ABCB5: variants seen among roughly 807,000 people sequenced by gnomAD.
ABCB5 encodes the protein ATP-binding cassette sub-family B member 5.
ABCB5 carries 155 observed loss-of-function variants against 144.2 expected under a neutral mutation model. The ratio of observed to expected loss-of-function variants is 1.08; its 90% confidence interval spans 0.94 to 1.23. ABCB5 has a LOEUF of 1.23. Among genes scored for constraint, ABCB5 ranks in the 50% most tolerant of loss-of-function variants. The probability of loss-of-function intolerance (pLI) is 0.00; values close to 1 mark genes in which losing one functional copy is unlikely to be tolerated. For synonymous variants in ABCB5, 610 were observed against 528.6 expected, an observed-to-expected ratio of 1.15 and a Z score of -2.11; for missense variants, 1,830 against 1,520.8, an observed-to-expected ratio of 1.20 and a Z score of -3.38.
rs759841996 is a variant in ABCB5, at chr7:20,628,797, G to C, written c.218G>C (p.Ser73Thr). The C allele has an allele frequency of 1.2e-6, 2 of 1,613,688 alleles. No homozygotes were observed. Among genetic ancestry groups the C allele is most frequent in the Non-Finnish European group, 1.7e-6 (2 of 1,179,818 alleles). ...ATGCCACTGGTTTTAGGAGAAATGA[G>C]TGATAACCTTATTAGTGGATGTCTA... ...PLMPLVLGEM[S>T]DNLISGCLVQ... is the part of the protein sequence containing the mutation. The change falls in exon 4 of 28, where the codon AGT becomes ACT. Residue 73 changes from serine (S) to threonine (T), a missense_variant. Physicochemically the swap from Ser to Thr is moderately conservative, Grantham distance 58. Transcript: ENST00000404938.
intron 11 of ABCB5, 128 bp downstream of exon 11, chr7:20,648,206 G>T: frequency 1.6e-6 from 1 of 623,822 alleles, no homozygotes; most frequent in Non-Finnish European, 2.8e-6. Context: ...TTAGAGACTT[G>T]AGGAGGTAGA....
intron 9 of ABCB5, among the ~76,000 whole-genome samples, chr7:20,646,673 T>C (rs1003416740): frequency 6.6e-6 from 1 of 152,198 alleles, no homozygotes; most frequent in African/African-American, 2.4e-5. Flanking sequence ...TAATAATTTA[T>C]TCAGTTATCC....
At chr7:20,738,702 T>A (rs1008245635) in intron 23 of ABCB5, among the ~76,000 whole-genome samples, 18 of 152,156 alleles carry the variant, frequency 1.2e-4, no homozygotes, top group Non-Finnish European at 2.4e-4. Context: ...ACTAAGAAGT[T>A]TTATATTCAC....
chr7:20,696,473 C>G lies in ABCB5; in HGVS notation c.2011-1934C>G, dbSNP rs577328977. On this transcript the variant is annotated intron_variant, in intron 16 of 27. Transcript: ENST00000404938. ...GGGATGATAAAAAAGCAGGAGAAAA[C>G]TTCTAGGGGTAATGGATATGTTTAT... is the stretch of plus-strand genomic sequence containing the variant. Among the ~76,000 whole-genome samples, 12 of 152,044 alleles carry G rather than the reference C, an allele frequency of 7.9e-5. No homozygotes were observed. In the East Asian group the frequency reaches 2.3e-3, roughly 29 times the overall value.
At chr7:20,655,584 G>A (rs1784760107) in intron 13 of ABCB5, among the ~76,000 whole-genome samples, 1 of 151,160 alleles carries the variant, frequency 6.6e-6, no homozygotes, top group African/African-American at 2.4e-5. Context: ...CAGACAAAAT[G>A]CTTAAGAATA....
At chr7:20,750,423 T>C (rs940603496) in intron 26 of ABCB5, among the ~76,000 whole-genome samples, 31 of 142,814 alleles carry the variant, frequency 2.2e-4, no homozygotes, top group Admixed American at 6.1e-4. Flanking sequence ...CACACACATA[T>C]ACACACAAGC....
At chr7:20,746,501 T>C (rs907859959) in intron 26 of ABCB5, among the ~76,000 whole-genome samples, 1 of 152,244 alleles carries the variant, frequency 6.6e-6, no homozygotes, top group Non-Finnish European at 1.5e-5. Context: ...CCCTATCACT[T>C]TGTCTTCAGG....
At chr7:20,618,564 C>A (rs1783736392) in intron 1 of ABCB5, among the ~76,000 whole-genome samples, 1 of 152,018 alleles carries the variant, frequency 6.6e-6, no homozygotes, top group Non-Finnish European at 1.5e-5. Context: ...TCTCCCCTTC[C>A]TCTCTCCCAC....
At chr7:20,632,034 A>G (rs781309570) in intron 4 of ABCB5, 25 bp from the exon 5 acceptor site, 33 of 1,438,508 alleles carry the variant, frequency 2.3e-5, no homozygotes, top group South Asian at 2.3e-4. Context: ...AATTTCCTCT[A>G]TATTTTAAAT....
chr7:20,616,593 A>G (rs1783690674), intron 1 of ABCB5, among the ~76,000 whole-genome samples: 1 of 152,242 alleles, frequency 6.6e-6, no homozygotes, highest in Non-Finnish European at 1.5e-5. Context: ...TTGCCATGAT[A>G]GCATCCACAC....
At chr7:20,685,355 G>A (rs1785960769) in intron 15 of ABCB5, among the ~76,000 whole-genome samples, 1 of 152,294 alleles carries the variant, frequency 6.6e-6, no homozygotes, top group Admixed American at 6.5e-5. Flanking sequence ...TGGCTAGGAG[G>A]AAGGCGTCAG....
intron 26 of ABCB5, among the ~76,000 whole-genome samples, chr7:20,746,727 G>A (rs1024211670): frequency 2.0e-5 from 3 of 152,212 alleles, no homozygotes; most frequent in Non-Finnish European, 4.4e-5. Flanking sequence ...AGTGCACAGA[G>A]AGGGATAATT....
intron 17 of ABCB5, among the ~76,000 whole-genome samples, chr7:20,699,036 C>G (rs1049120917): frequency 6.6e-6 from 1 of 152,212 alleles, no homozygotes; most frequent in Non-Finnish European, 1.5e-5. Context: ...CCTGGAACTT[C>G]AGTCTCCCTA....
chr7:20,657,204 C>T (rs1008066465), intron 13 of ABCB5, among the ~76,000 whole-genome samples: 54 of 152,168 alleles, frequency 3.5e-4, no homozygotes, highest in African/African-American at 5.5e-4. Context: ...CCACCACACC[C>T]GGACAAATTG....
At position 20,650,921 on chromosome 7, in the gene ABCB5, C is replaced by T. The variant is rs191703449; in HGVS notation, c.1333-499C>T. Reference sequence around the variant, plus strand: ...AATTACCAAACCCTGGCTTCTGTCACGGGAATATGTTGGGGTAATTGGCAA... The same window carrying T: ...AATTACCAAACCCTGGCTTCTGTCATGGGAATATGTTGGGGTAATTGGCAA... On this transcript the variant is annotated intron_variant, in intron 12 of 27. Transcript: ENST00000404938. 6.7e-4 allele frequency among the ~76,000 whole-genome samples: 102 copies of T among 152,182 alleles called. 1 individual carries two copies. Among genetic ancestry groups the T allele is most frequent in the Admixed American group, 2.7e-3 (42 of 15,294 alleles).
chr7:20,744,908 T>G (rs1231522028), intron 25 of ABCB5, among the ~76,000 whole-genome samples: 1 of 152,140 alleles, frequency 6.6e-6, no homozygotes, highest in East Asian at 1.9e-4. Context: ...GTTAAGAGTG[T>G]TGTTATTTAT....
chr7:20,696,738 T>G (rs1321846823), intron 16 of ABCB5, among the ~76,000 whole-genome samples: 2 of 152,294 alleles, frequency 1.3e-5, no homozygotes, highest in Non-Finnish European at 1.5e-5. Context: ...ATGTACAACC[T>G]GTCTCATATT....
chr7:20,650,519 A>G (rs559859782), intron 12 of ABCB5, among the ~76,000 whole-genome samples: 46 of 152,272 alleles, frequency 3.0e-4, no homozygotes, highest in African/African-American at 1.1e-3. Context: ...CAAGAATTTC[A>G]AAGTTTGTTC....
In ABCB5 at chr7:20,742,497, C is replaced by CAT. The variant is rs796117585; in HGVS notation, c.3025-379_3025-378insTA. On this transcript the variant is annotated intron_variant, in intron 24 of 27. Transcript: ENST00000404938. ...TCATACATATAGTTTATGAGAACCC[C>CAT]AGCTCTTCTGAATTAAGCAATAAAG... is the stretch of plus-strand genomic sequence containing the variant. Among the ~76,000 whole-genome samples the CAT allele has an allele frequency of 9.2e-5, 14 of 152,150 alleles. No homozygotes were observed. In the East Asian group the frequency reaches 2.1e-3, roughly 23 times the overall value.
Sources: gnomAD v4.1 joint callset for allele counts (sites outside exome capture counted in the v4.1 genomes callset) on GRCh38, gnomAD v4.1.1 for gene constraint, MANE v1.5 for transcripts, NCBI Gene and HGNC (gene_info 2026-07-23, HGNC 2026-07-21) for gene names.